The following KCNC1 variants were observed in gnomAD, a reference collection of about 807,000 sequenced individuals.
KCNC1 encodes voltage-gated potassium channel KCNC1.
Under a neutral mutation model 43.4 loss-of-function variants are expected in KCNC1, and 8 were observed. The ratio of observed to expected loss-of-function variants is 0.18; its 90% CI spans 0.11 to 0.33. KCNC1 has a LOEUF of 0.33. Ranked by LOEUF, KCNC1 falls within the 10% of genes least tolerant of loss-of-function variation. The pLI is 1.00. For missense variants in KCNC1, 420 were observed against 836.0 expected, an observed-to-expected ratio of 0.50 and a Z score of 6.14; for synonymous variants, 361 against 360.5, an observed-to-expected ratio of 1.00 and a Z score of -0.01.
chr11:17,754,174 T>C (rs1382620064), intron 1 of KCNC1, among the ~76,000 whole-genome samples: 1 of 152,174 alleles, frequency 6.6e-6, no homozygotes, highest in East Asian at 1.9e-4. Flanking sequence ...AATGCACTCA[T>C]TGCCAGTGTA....
chr11:17,748,526 A>G (rs998560173), intron 1 of KCNC1, among the ~76,000 whole-genome samples: 3 of 152,174 alleles, frequency 2.0e-5, no homozygotes, highest in Admixed American at 6.5e-5. Context: ...TGGGCACGCT[A>G]GGGGCCCCCA....
Position 17,779,764 on chromosome 11 carries a change from G to T in KCNC1, c.1693+120G>T. Reference sequence around the variant, plus strand: ...CAGGCAGGCACACCGAGGGGGGCAAGGATGGAGGGAATCTCCCAGGGTCGG... The same window carrying T: ...CAGGCAGGCACACCGAGGGGGGCAATGATGGAGGGAATCTCCCAGGGTCGG... On this transcript the variant is annotated intron_variant, in intron 3 of 3. Coordinates refer to ENST00000265969, the MANE Select transcript of KCNC1 (RefSeq NM_001112741.2). This position sits in a 1 kb window ranked among gnomAD's most constrained non-coding sequence, Gnocchi z 7.2. The T allele has an allele frequency of 1.3e-6, 1 of 783,336 alleles. No homozygotes were observed. Among genetic ancestry groups the T allele is most frequent in the Non-Finnish European group, 1.9e-6 (1 of 532,404 alleles). 48.5% of individuals were successfully genotyped at this position (783,336 alleles called of 1,614,324 possible).
chr11:17,775,686 C>T, intron 2 of KCNC1: 1 of 985,758 alleles, frequency 1.0e-6, no homozygotes, highest in African/African-American at 1.7e-5. Flanking sequence ...TCTTGTCCAT[C>T]TCCGCTCCTG....
In KCNC1 at chr11:17,753,647, T is replaced by G. The variant is rs1172429711; in HGVS notation, c.570+17075T>G. 4.0e-5 allele frequency among the ~76,000 whole-genome samples: 6 copies of G among 151,490 alleles called. No individual in the cohort carries two copies. The South Asian group carries it at 1.3e-3, about 32-fold the overall frequency. On this transcript the variant is annotated intron_variant, in intron 1 of 3. Transcript: ENST00000265969. The stretch of plus-strand genomic sequence containing the variant: ...CCATTGCGCCTCTTCAAAAAGAAAT[T>G]GACATTTCCTGGTGCTTTTTTAAGC...
chr11:17,761,500 C>A (rs773636731), intron 1 of KCNC1, among the ~76,000 whole-genome samples: 16 of 152,308 alleles, frequency 1.1e-4, no homozygotes, highest in Middle Eastern at 3.4e-3. Context: ...TCTTCCACAC[C>A]CCTCAATGTT....
Position 17,739,330 on chromosome 11 carries a change from TGTG to T in KCNC1, c.570+2759_570+2761del, listed in dbSNP as rs138835658. On this transcript the variant is annotated intron_variant, in intron 1 of 3. Transcript: ENST00000265969. The surrounding 1 kb of genome is among the most constrained non-coding windows in gnomAD (Gnocchi z 4.2). ...AGATTGTGTGTGAGTGTGAGAGACT[TGTG>T]TGTGTGAGAATAAATGTGAGACTCC... Among the ~76,000 whole-genome samples the T allele has an allele frequency of 0.033, 5,058 of 151,572 alleles. 107 individuals carry two copies. Among genetic ancestry groups the T allele is most frequent in the Non-Finnish European group, 0.053 (3,608 of 67,894 alleles).
At chr11:17,767,700 G>C (rs1849169886) in intron 1 of KCNC1, among the ~76,000 whole-genome samples, 1 of 152,240 alleles carries the variant, frequency 6.6e-6, no homozygotes, top group Non-Finnish European at 1.5e-5. Flanking sequence ...GCCTGTAACA[G>C]AGGAAGATCA....
Position 17,736,792 on chromosome 11 carries a change from A to G in KCNC1, c.570+220A>G, listed in dbSNP as rs1266208015. Among the ~76,000 whole-genome samples the G allele has an allele frequency of 6.6e-6, 1 of 152,128 alleles. No homozygotes were observed. The highest frequency in any genetic ancestry group is 1.5e-5 in the Non-Finnish European group (1 of 68,018). ...CTGTGTGTTGCCAAGTTTAATATGT[A>G]TGAGTATGAATGGGTGTGTTTGTGT... On this transcript the variant is annotated intron_variant, in intron 1 of 3. Coordinates refer to ENST00000265969, the MANE Select transcript of KCNC1 (RefSeq NM_001112741.2). This position sits in a 1 kb window ranked among gnomAD's most constrained non-coding sequence, Gnocchi z 9.3.
At chr11:17,774,930 G>A (rs1474546293) in intron 2 of KCNC1, 2 of 985,340 alleles carry the variant, frequency 2.0e-6, no homozygotes, top group Non-Finnish European at 2.4e-6. Context: ...TGGCGTGTGA[G>A]ACCCCGGCTA....
Position 17,779,332 on chromosome 11 carries a change from C to T in KCNC1, c.1505-124C>T, listed in dbSNP as rs1050316988. 5.1e-5 allele frequency: 40 copies of T among 786,470 alleles called. No homozygotes were observed. The highest frequency in any genetic ancestry group is 6.2e-5 in the Non-Finnish European group (32 of 520,300). 48.7% of individuals were successfully genotyped at this position (786,470 alleles called of 1,614,324 possible). A position where few individuals can be genotyped will look rare whatever the true frequency, so the allele number is the denominator to read the frequency against. On this transcript the variant is annotated intron_variant, in intron 2 of 3. Coordinates refer to ENST00000265969, the MANE Select transcript of KCNC1 (RefSeq NM_001112741.2). The surrounding 1 kb of genome is among the most constrained non-coding windows in gnomAD (Gnocchi z 7.2). Reference sequence around the variant, plus strand: ...TGCCCTCCTCGCTCCACAGCCTGCCCGCTTTTCCGTCCTCAGGGACGCTCA... The same window carrying T: ...TGCCCTCCTCGCTCCACAGCCTGCCTGCTTTTCCGTCCTCAGGGACGCTCA...
Position 17,736,698 on chromosome 11 carries a change from A to C in KCNC1, c.570+126A>C. ...CAGAATCGAAAGGGGGTGTGTGCGC[A>C]TGTGTGCACGTACCAGGGTAAGAGA... On this transcript the variant is annotated intron_variant, in intron 1 of 3. Coordinates refer to ENST00000265969, the MANE Select transcript of KCNC1 (RefSeq NM_001112741.2). The surrounding 1 kb of genome is among the most constrained non-coding windows in gnomAD (Gnocchi z 9.3). 6 of 1,406,838 alleles carry C rather than the reference A, an allele frequency of 4.3e-6. No individual in the cohort carries two copies. Among genetic ancestry groups the C allele is most frequent in the Non-Finnish European group, 4.6e-6 (5 of 1,076,576 alleles). The allele number at this position is 1,406,838 out of a possible 1,614,324, so 87.1% of individuals were successfully genotyped here. A position where few individuals can be genotyped will look rare whatever the true frequency, so the allele number is the denominator to read the frequency against.
intron 1 of KCNC1, among the ~76,000 whole-genome samples, chr11:17,738,833 G>A (rs974095964): frequency 7.2e-5 from 11 of 152,174 alleles, no homozygotes; most frequent in African/African-American, 2.2e-4. Context: ...GGATAGGAGC[G>A]GGTGCTAGTG....
chr11:17,762,132 G>A (rs1849084897), intron 1 of KCNC1, among the ~76,000 whole-genome samples: 1 of 152,156 alleles, frequency 6.6e-6, no homozygotes. Context: ...TGCAGGACAA[G>A]GGCTGGCCAT....
In KCNC1 at chr11:17,781,726, G is replaced by A. The variant is rs1355195253; in HGVS notation, c.1750G>A (p.Val584Met). Residue 584 changes from valine (V) to methionine (M), a missense_variant, in exon 4 of 4, where the codon GTG becomes ATG. By Grantham distance (21) the Val-to-Met change is conservative. Around this residue, in one of 5 missense-constraint regions of KCNC1, gnomAD observed 147 missense variants for 176.1 expected, o/e 0.83. Coordinates refer to ENST00000265969, the MANE Select transcript of KCNC1 (RefSeq NM_001112741.2). This position sits in a 1 kb window ranked among gnomAD's most constrained non-coding sequence, Gnocchi z 5.1. ...AKYMPTEAVR[V>M]T Reference sequence around the variant, plus strand: ...GTATATGCCGACAGAGGCTGTGAGAGTGACTTGACCAGGCGGCTTGGCCGA... The same window carrying A: ...GTATATGCCGACAGAGGCTGTGAGAATGACTTGACCAGGCGGCTTGGCCGA... 2 of 1,551,376 alleles carry A rather than the reference G, an allele frequency of 1.3e-6. No individual in the cohort carries two copies. The highest frequency in any genetic ancestry group is 1.7e-6 in the Non-Finnish European group (2 of 1,146,650).
rs1191538615 is a variant in KCNC1 at position 17,767,296 on chromosome 11, A to AAAAAG, written c.571-4345_571-4341dup. 1.5e-3 allele frequency among the ~76,000 whole-genome samples: 199 copies of AAAAAG among 130,284 alleles called. 2 individuals carry two copies. Among genetic ancestry groups the AAAAAG allele is most frequent in the South Asian group, 0.014 (60 of 4,374 alleles). The allele number at this position is 130,284 out of a possible 152,430, so 85.5% of individuals were successfully genotyped here. On this transcript the variant is annotated intron_variant, in intron 1 of 3. Coordinates refer to ENST00000265969, the MANE Select transcript of KCNC1 (RefSeq NM_001112741.2). ...CAAGACTCCGTCTCAAAAAAAAAAA[A>AAAAAG]AAAAGAAAAGAAAAGAAAAGAAAAG...
At chr11:17,750,985 G>A (rs1848962783) in intron 1 of KCNC1, among the ~76,000 whole-genome samples, 1 of 152,220 alleles carries the variant, frequency 6.6e-6, no homozygotes, top group Non-Finnish European at 1.5e-5. Flanking sequence ...AGTAGTGCCT[G>A]TTACATAATA....
At chr11:17,746,874 A>G (rs200455959) in intron 1 of KCNC1, among the ~76,000 whole-genome samples, 1 of 152,110 alleles carries the variant, frequency 6.6e-6, no homozygotes, top group Non-Finnish European at 1.5e-5. Context: ...TAAGTCTCCT[A>G]ACCTGTCTGT....
chr11:17,753,577 G>C (rs906344903), intron 1 of KCNC1, among the ~76,000 whole-genome samples: 1 of 152,176 alleles, frequency 6.6e-6, no homozygotes, highest in Non-Finnish European at 1.5e-5. Context: ...CATCGTTCCC[G>C]ACCTTTGAAT....
Position 17,736,872 on chromosome 11 carries a change from T to C in KCNC1, c.570+300T>C, listed in dbSNP as rs573190300. ...GTAAGTGTGGTGGTGTGTATTTGGG[T>C]GGGTAAAGTGTGGAGTGGGAATGAG... is the stretch of plus-strand genomic sequence containing the variant. On this transcript the variant is annotated intron_variant, in intron 1 of 3. Transcript: ENST00000265969. This position sits in a 1 kb window ranked among gnomAD's most constrained non-coding sequence, Gnocchi z 9.3. Among the ~76,000 whole-genome samples, 4 of 152,154 alleles carry C rather than the reference T, an allele frequency of 2.6e-5. No individual in the cohort carries two copies. The highest frequency in any genetic ancestry group is 9.6e-5 in the African/African-American group (4 of 41,516).
Sources: gnomAD v4.1 joint callset for allele counts (sites outside exome capture counted in the v4.1 genomes callset) on GRCh38, gnomAD v4.1.1 for gene constraint, gnomAD v4.1.1 regional missense constraint, Gnocchi (gnomAD v3.1) non-coding constraint, MANE v1.5 for transcripts, NCBI Gene and HGNC (gene_info 2026-07-23, HGNC 2026-07-21) for gene names.